Variants in DST observed in about 807,000 individuals in gnomAD.
DST encodes bullous pemphigoid antigen.
Under a neutral mutation model 875.2 loss-of-function variants are expected in DST, and 253 were observed. The ratio of observed to expected loss-of-function variants is 0.29; its 90% CI spans 0.26 to 0.32. DST has a LOEUF of 0.32. Among genes scored for constraint, DST ranks in the 10% least tolerant of loss-of-function variants. The pLI is 1.00. For missense variants in DST, 8,287 were observed against 9,111.6 expected, an observed-to-expected ratio of 0.91 and a Z score of 3.68; for synonymous variants, 3,124 against 3,197.1, an observed-to-expected ratio of 0.98 and a Z score of 0.77.
chr6:56,812,324 TG>T (rs1468938623), intron 4 of DST, among the ~76,000 whole-genome samples: 1 of 152,088 alleles, frequency 6.6e-6, no homozygotes, highest in African/African-American at 2.4e-5. Context: ...GTTTTTCTAC[TG>T]GCTAAAAAAA....
At chr6:56,770,759 G>A (rs186321518) in intron 4 of DST, among the ~76,000 whole-genome samples, 35 of 152,270 alleles carry the variant, frequency 2.3e-4, no homozygotes, top group Admixed American at 2.2e-3. Context: ...CCAACACTTT[G>A]GGAGGCCGAG....
intron 4 of DST, among the ~76,000 whole-genome samples, chr6:56,782,587 T>C (rs1485151653): frequency 6.6e-6 from 1 of 152,230 alleles, no homozygotes; most frequent in Non-Finnish European, 1.5e-5. Context: ...TATCATTTTT[T>C]ATTGCATCTA....
At chr6:56,567,846 A>G (rs2097708325) in intron 55 of DST, among the ~76,000 whole-genome samples, 1 of 152,196 alleles carries the variant, frequency 6.6e-6, no homozygotes, top group Non-Finnish European at 1.5e-5. Context: ...GTTTCAAACT[A>G]AAAACTATAC....
At chr6:56,702,242 C>G (rs978622684) in intron 7 of DST, among the ~76,000 whole-genome samples, 2 of 152,010 alleles carry the variant, frequency 1.3e-5, no homozygotes, top group African/African-American at 2.4e-5. Flanking sequence ...ACAGAATATA[C>G]AGACACTTAA....
chr6:56,587,176 G>A (rs1211628008), intron 49 of DST, among the ~76,000 whole-genome samples: 1 of 151,728 alleles, frequency 6.6e-6, no homozygotes, highest in Non-Finnish European at 1.5e-5. Context: ...AAATTTAGAC[G>A]AATGTATAAC....
At chr6:56,776,343 G>A (rs531643133) in intron 4 of DST, among the ~76,000 whole-genome samples, 5 of 152,270 alleles carry the variant, frequency 3.3e-5, no homozygotes, top group South Asian at 2.1e-4. Flanking sequence ...GTGGTATCCC[G>A]GATAGGATGC....
At chr6:56,460,292 C>T (rs759079609) in intron 102 of DST, 38 bp from the exon 103 acceptor site, 18 of 1,611,262 alleles carry the variant, frequency 1.1e-5, no homozygotes, top group Non-Finnish European at 1.4e-5. Context: ...CAAAATATTG[C>T]TCCTGTACCA....
rs778796501 is a variant in DST at position 56,466,188 on chromosome 6, T to A, written c.22577A>T (p.Asp7526Val). The A allele has an allele frequency of 6.2e-7, 1 of 1,602,320 alleles. No homozygotes were observed. Among genetic ancestry groups the A allele is most frequent in the Non-Finnish European group, 8.5e-7 (1 of 1,173,972 alleles). The change falls in exon 99 of 104, where the codon GAC becomes GTC. Residue 7526 changes from aspartate to valine, a missense_variant. Physicochemically the swap from Asp to Val is radical, Grantham distance 152. This residue lies in a region of DST where 87 missense variants were observed against 209.7 expected (regional missense o/e 0.41). Coordinates refer to ENST00000680361, the MANE Select transcript of DST (RefSeq NM_001374736.1). ...CCGGACCAGTCGCAGTTGCTGGGAG[T>A]CTCCAAACTGTTCAGTGAAGAAAGA... The part of the protein sequence containing the change: ...YRFFLGNQFG[D>V]SQQLRLVRIL...
At chr6:56,577,158 CAGA>C (rs1386514936) in intron 50 of DST, among the ~76,000 whole-genome samples, 1 of 151,940 alleles carries the variant, frequency 6.6e-6, no homozygotes, top group Non-Finnish European at 1.5e-5. Flanking sequence ...AAAATTATGC[CAGA>C]AGTTTTAGTT....
chr6:56,526,595 A>G, intron 68 of DST, 28 bp from the exon 69 acceptor site: 1 of 1,598,548 alleles, frequency 6.3e-7, no homozygotes, highest in Non-Finnish European at 8.6e-7. Flanking sequence ...AGTTAGTAAC[A>G]CTTAAGAGCT....
intron 55 of DST, among the ~76,000 whole-genome samples, chr6:56,566,464 C>T (rs2097680322): frequency 6.6e-6 from 1 of 152,142 alleles, no homozygotes; most frequent in African/African-American, 2.4e-5. Context: ...GTTTTCCGAC[C>T]CCTTGTGCTT....
intron 2 of DST, among the ~76,000 whole-genome samples, chr6:56,925,341 C>T (rs533660974): frequency 1.3e-5 from 2 of 152,264 alleles, no homozygotes; most frequent in South Asian, 4.1e-4. Flanking sequence ...AAAAAACATA[C>T]AGTCGAAATA....
At chr6:56,706,325 AG>A (rs36044515) in intron 5 of DST, among the ~76,000 whole-genome samples, 19,450 of 149,342 alleles carry the variant, frequency 0.13, 1,611 homozygotes, top group Non-Finnish European at 0.21. Context: ...AAAAAAAAAA[AG>A]AAAGAAAGAA....
chr6:56,538,372 A>G (rs1160807944), intron 61 of DST, among the ~76,000 whole-genome samples: 1 of 129,306 alleles, frequency 7.7e-6, no homozygotes, highest in Non-Finnish European at 1.7e-5. Flanking sequence ...TTTTACATCG[A>G]TATTAAGGTA....
rs1304963275 is a variant in DST at position 56,714,334 on chromosome 6, A to G, written c.688-9965T>C. ...AATATACTTTCTGTAGGAGGATTAA[A>G]AGTTTCAAAGTGATCACTTCCTAAA... On this transcript the variant is annotated intron_variant, in intron 5 of 103. Transcript: ENST00000680361. This position sits in a 1 kb window ranked among gnomAD's most constrained non-coding sequence, Gnocchi z 4.5. 6.6e-6 allele frequency among the ~76,000 whole-genome samples: 1 copy of G among 152,226 alleles called. No homozygotes were observed. The highest frequency in any genetic ancestry group is 1.5e-5 in the Non-Finnish European group (1 of 68,032).
At chr6:56,835,262 T>C (rs1349740664) in intron 4 of DST, among the ~76,000 whole-genome samples, 2 of 152,188 alleles carry the variant, frequency 1.3e-5, no homozygotes, top group Non-Finnish European at 2.9e-5. Context: ...ATTACAATAA[T>C]AGACACATGA....
chr6:56,730,255 C>G (rs1435724612), intron 5 of DST, among the ~76,000 whole-genome samples: 1 of 152,164 alleles, frequency 6.6e-6, no homozygotes, highest in African/African-American at 2.4e-5. Context: ...TAAACACAGT[C>G]TCTCATGGCT....
chr6:56,570,640 A>G (rs1218808128), intron 53 of DST, among the ~76,000 whole-genome samples: 2 of 152,180 alleles, frequency 1.3e-5, no homozygotes, highest in Non-Finnish European at 2.9e-5. Flanking sequence ...CCAGTTCATA[A>G]TAGGCCATAG....
chr6:56,938,320 C>T (rs1188973670), intron 2 of DST, among the ~76,000 whole-genome samples: 1 of 151,658 alleles, frequency 6.6e-6, no homozygotes, highest in Non-Finnish European at 1.5e-5. Flanking sequence ...TTTTTTGTTT[C>T]ACTATGTTGC....
Sources: allele counts gnomAD v4.1 joint callset (sites outside exome capture counted in the v4.1 genomes callset), GRCh38; gene constraint gnomAD v4.1.1; regional missense constraint gnomAD v4.1.1; non-coding constraint Gnocchi (gnomAD v3.1); transcripts MANE v1.5; gene names NCBI Gene and HGNC (gene_info 2026-07-23, HGNC 2026-07-21).